POU6F1: variants seen among roughly 807,000 people sequenced by gnomAD.
The protein encoded by POU6F1 is POU domain, class 6, transcription factor 1.
Under a neutral mutation model 28.9 loss-of-function variants are expected in POU6F1, and 9 were observed. The observed-to-expected ratio is 0.31, with a 90% CI of 0.19 to 0.54. The LOEUF is 0.54. Among genes scored for constraint, POU6F1 ranks in the 20% least tolerant of loss-of-function variants. The pLI is 0.94. For synonymous variants in POU6F1, 173 were observed against 171.1 expected (o/e 1.01, Z -0.09); for missense variants, 338 against 426.1 (o/e 0.79, Z 1.82).
rs1174144947 is a variant in POU6F1 at position 51,217,967 on chromosome 12, C to A, written c.-373G>T. ...TCAGGTATATATTTTTCTTCGTTCC[C>A]CCTTCCACGACCCCCCCCTTTTCCC... is the stretch of plus-strand genomic sequence containing the variant. On this transcript the variant is annotated 5_prime_UTR_variant, in exon 1 of 11. Coordinates refer to ENST00000333640, the MANE Select transcript of POU6F1 (RefSeq NM_001330422.2). The surrounding 1 kb of genome is among the most constrained non-coding windows in gnomAD (Gnocchi z 5.3). Among the ~76,000 whole-genome samples the A allele has an allele frequency of 5.3e-5, 8 of 151,888 alleles. No individual in the cohort carries two copies. The highest frequency in any genetic ancestry group is 1.9e-4 in the African/African-American group (8 of 41,362).
At chr12:51,214,701 G>A (rs749358265) in intron 1 of POU6F1, among the ~76,000 whole-genome samples, 2 of 152,220 alleles carry the variant, frequency 1.3e-5, no homozygotes, top group African/African-American at 2.4e-5. Context: ...ACTTTGGGAG[G>A]CTGAGGCGGG....
intron 4 of POU6F1, 73 bp from the exon 5 acceptor site, chr12:51,198,848 T>C (rs1943019474): frequency 5.0e-6 from 2 of 397,826 alleles, no homozygotes; most frequent in African/African-American, 2.1e-5. Flanking sequence ...AAACACTGGG[T>C]CTCTGAGACC....
intron 2 of POU6F1, among the ~76,000 whole-genome samples, chr12:51,205,815 TTTC>T (rs1943559544): frequency 6.8e-6 from 1 of 148,140 alleles, no homozygotes; most frequent in Admixed American, 6.8e-5. Context: ...TTTTCTTTTC[TTTC>T]TTTTTTTTTT....
chr12:51,190,236 G>C lies in POU6F1; in HGVS notation c.*11C>G. 2 of 1,613,190 alleles carry C rather than the reference G, an allele frequency of 1.2e-6. No homozygotes were observed. Among genetic ancestry groups the C allele is most frequent in the Non-Finnish European group, 1.7e-6 (2 of 1,179,472 alleles). On this transcript the variant is annotated 3_prime_UTR_variant, in exon 11 of 11. Coordinates refer to ENST00000333640, the MANE Select transcript of POU6F1 (RefSeq NM_001330422.2). This position sits in a 1 kb window ranked among gnomAD's most constrained non-coding sequence, Gnocchi z 4.5. Reference sequence around the variant, plus strand: ...GACAAAGTGCTAGAACACAGGGCCAGGGGCTGAGCCCTAAGGGATCTGAAA... The same window carrying C: ...GACAAAGTGCTAGAACACAGGGCCACGGGCTGAGCCCTAAGGGATCTGAAA...
At chr12:51,203,964 G>A (rs972969361) in intron 3 of POU6F1, among the ~76,000 whole-genome samples, 2 of 152,170 alleles carry the variant, frequency 1.3e-5, no homozygotes, top group Non-Finnish European at 2.9e-5. Flanking sequence ...TTTAGGCCTG[G>A]AAGTGACACA....
chr12:51,195,945 C>G, intron 8 of POU6F1, 25 bp downstream of exon 8: 1 of 898,128 alleles, frequency 1.1e-6, no homozygotes. Flanking sequence ...CCTGCCCCAC[C>G]CCCCACCCCC....
chr12:51,216,375 TAC>T (rs563278158), intron 1 of POU6F1, among the ~76,000 whole-genome samples: 1 of 152,300 alleles, frequency 6.6e-6, no homozygotes, highest in African/African-American at 2.4e-5. Context: ...AATGGCTACA[TAC>T]ACACACACTG....
rs780706685 is a variant in POU6F1, at chr12:51,192,471, C to A, written c.1180G>T (p.Val394Leu). The change falls in exon 9 of 11, where the codon GTG becomes TTG. Residue 394 changes from valine to leucine, a missense_variant and splice_region_variant. By Grantham distance (32) the Val-to-Leu change is conservative (BLOSUM62 1). Around this residue, in one of 3 missense-constraint regions of POU6F1, gnomAD observed 206 missense variants for 225.6 expected, o/e 0.91. Coordinates refer to ENST00000333640, the MANE Select transcript of POU6F1 (RefSeq NM_001330422.2). ...STPESPAKSE[V>L]QPIQPTPTVP... Reference sequence around the variant, plus strand: ...GTTGGTGTGGGCTGGATGGGCTGCACCTGTGAAAGGACAGACAACAAGCCT... The same window carrying A: ...GTTGGTGTGGGCTGGATGGGCTGCAACTGTGAAAGGACAGACAACAAGCCT... The A allele has an allele frequency of 8.1e-6, 13 of 1,612,488 alleles. No homozygotes were observed. The Admixed American group carries it at 1.7e-4, about 21-fold the overall frequency.
chr12:51,191,842 T>C (rs1942437182), intron 9 of POU6F1, 78 bp from the exon 10 acceptor site: 4 of 1,553,828 alleles, frequency 2.6e-6, no homozygotes, highest in Non-Finnish European at 3.5e-6. Context: ...TGGTCTGAAC[T>C]GACGCAGTAG....
chr12:51,201,859 T>G (rs1292822212), intron 3 of POU6F1: 2 of 20,046 alleles, frequency 1.0e-4, no homozygotes, highest in East Asian at 4.4e-4. Context: ...AATATAGTTG[T>G]TTTTTTTTTT....
chr12:51,195,546 CA>C (rs1942757119), intron 8 of POU6F1, among the ~76,000 whole-genome samples: 2 of 152,060 alleles, frequency 1.3e-5, no homozygotes, highest in African/African-American at 4.8e-5. Context: ...CTAGAATGAG[CA>C]ATGAGTAAAT....
At chr12:51,212,776 CAA>C (rs1176606531) in intron 1 of POU6F1, among the ~76,000 whole-genome samples, 4 of 37,700 alleles carry the variant, frequency 1.1e-4, no homozygotes, top group African/African-American at 2.5e-4. Context: ...AACTCCGTCT[CAA>C]AAAAAAAAAA....
intron 1 of POU6F1, among the ~76,000 whole-genome samples, chr12:51,214,205 A>G (rs559589237): frequency 6.6e-6 from 1 of 152,198 alleles, no homozygotes; most frequent in Non-Finnish European, 1.5e-5. Context: ...TAAATAGGCA[A>G]GCCCTATGGG....
At chr12:51,196,634 C>T (rs1942845281) in intron 7 of POU6F1, among the ~76,000 whole-genome samples, 165 bp downstream of exon 7, 1 of 152,250 alleles carries the variant, frequency 6.6e-6, no homozygotes. Flanking sequence ...GGTGGCTACA[C>T]CCCTGCCCAG....
intron 9 of POU6F1, 83 bp from the exon 10 acceptor site, chr12:51,191,847 C>T (rs1306280865): frequency 1.3e-6 from 2 of 1,534,076 alleles, no homozygotes; most frequent in Admixed American, 1.7e-5. Flanking sequence ...TGAACTGACG[C>T]AGTAGTGAGA....
intron 1 of POU6F1, among the ~76,000 whole-genome samples, chr12:51,212,383 C>T (rs933639086): frequency 2.6e-5 from 4 of 151,702 alleles, no homozygotes; most frequent in Admixed American, 1.3e-4. Context: ...TGAGCCACTG[C>T]GCCCAGCCAA....
At chr12:51,213,783 C>A (rs1038999786) in intron 1 of POU6F1, among the ~76,000 whole-genome samples, 1 of 151,290 alleles carries the variant, frequency 6.6e-6, no homozygotes, top group Admixed American at 6.6e-5. Context: ...CTGCCCACCT[C>A]GGCCTCCCAA....
rs1942362258 is a variant in POU6F1 at position 51,190,898 on chromosome 12, T to C, written c.1491-306A>G. Among the ~76,000 whole-genome samples the C allele has an allele frequency of 7.1e-5, 1 of 14,130 alleles. No individual in the cohort carries two copies. Among genetic ancestry groups the C allele is most frequent in the African/African-American group, 4.0e-4 (1 of 2,522 alleles). 9.3% of individuals were successfully genotyped at this position (14,130 alleles called of 152,430 possible). On this transcript the variant is annotated intron_variant, in intron 10 of 10. Transcript: ENST00000333640. The surrounding 1 kb of genome is among the most constrained non-coding windows in gnomAD (Gnocchi z 4.5). Reference sequence around the variant, plus strand: ...AACCATTCTAGAACGTTCCCCTAAATGAATGAAGTCCTTTTGAGGAGTCAC... The same window carrying C: ...AACCATTCTAGAACGTTCCCCTAAACGAATGAAGTCCTTTTGAGGAGTCAC...
At chr12:51,197,511 A>G (rs559257296) in intron 6 of POU6F1, among the ~76,000 whole-genome samples, 1 of 152,074 alleles carries the variant, frequency 6.6e-6, no homozygotes, top group Non-Finnish European at 1.5e-5. Context: ...ACGTCATCCC[A>G]CCCTCCAAGC....
Sources: gnomAD v4.1 joint callset for allele counts (sites outside exome capture counted in the v4.1 genomes callset) on GRCh38, gnomAD v4.1.1 for gene constraint, gnomAD v4.1.1 regional missense constraint, Gnocchi (gnomAD v3.1) non-coding constraint, MANE v1.5 for transcripts, NCBI Gene and HGNC (gene_info 2026-07-23, HGNC 2026-07-21) for gene names.